Variants in PRKG1 observed in about 807,000 individuals in gnomAD.
The protein encoded by PRKG1 is cGMP-dependent protein kinase 1.
Under a neutral mutation model 88.1 loss-of-function variants are expected in PRKG1, and 35 were observed. That is an observed-to-expected ratio of 0.40 (90% confidence interval 0.30 to 0.53). PRKG1 has a LOEUF of 0.53. PRKG1 is among the 20% of genes least tolerant of loss of function. The pLI is 0.59. For synonymous variants in PRKG1, 303 were observed against 292.5 expected, an observed-to-expected ratio of 1.04 and a Z score of -0.37; for missense variants, 540 against 839.8, an observed-to-expected ratio of 0.64 and a Z score of 4.41.
chr10:51,955,808 G>A (rs1416470189), intron 5 of PRKG1, among the ~76,000 whole-genome samples: 1 of 151,952 alleles, frequency 6.6e-6, no homozygotes, highest in African/African-American at 2.4e-5. Flanking sequence ...GTGGTTTTTT[G>A]TTTGTTTGTT....
rs1021070614 is a variant in PRKG1 at position 52,026,717 on chromosome 10, C to T, written c.763-27767C>T. On this transcript the variant is annotated intron_variant, in intron 5 of 17. Coordinates refer to ENST00000373980, the MANE Select transcript of PRKG1 (RefSeq NM_006258.4). ...TTCGGCCAGGCACGGTGGCTCACGC[C>T]TGTAATCCCAACACTTTGGGAGGCC... Among the ~76,000 whole-genome samples, 4 of 152,328 alleles carry T rather than the reference C, an allele frequency of 2.6e-5. No individual in the cohort carries two copies. In the South Asian group the frequency reaches 8.3e-4, roughly 32 times the overall value.
chr10:52,091,511 A>G (rs1353243914), intron 7 of PRKG1, among the ~76,000 whole-genome samples: 1 of 152,184 alleles, frequency 6.6e-6, no homozygotes, highest in Non-Finnish European at 1.5e-5. Flanking sequence ...CCACAATAAC[A>G]TCTTGTCTAA....
At chr10:52,266,915 A>G (rs938493416) in intron 10 of PRKG1, among the ~76,000 whole-genome samples, 51 of 152,072 alleles carry the variant, frequency 3.4e-4, no homozygotes, top group African/African-American at 1.2e-3. Context: ...AGGAACATGC[A>G]TAACTATCTA....
chr10:51,048,579 T>C (rs1843520004), intron 1 of PRKG1, among the ~76,000 whole-genome samples: 1 of 152,180 alleles, frequency 6.6e-6, no homozygotes, highest in Non-Finnish European at 1.5e-5. Context: ...TCCCAAATGG[T>C]ATTAAGCTTC....
At chr10:51,646,101 T>C (rs1339314275) in intron 3 of PRKG1, among the ~76,000 whole-genome samples, 2 of 152,166 alleles carry the variant, frequency 1.3e-5, no homozygotes, top group Non-Finnish European at 2.9e-5. Context: ...GAATAAATTC[T>C]ATTCAGCCAC....
chr10:51,821,131 T>C (rs994603029), intron 4 of PRKG1, among the ~76,000 whole-genome samples: 1 of 152,182 alleles, frequency 6.6e-6, no homozygotes, highest in Non-Finnish European at 1.5e-5. Flanking sequence ...TCTGGTTTCT[T>C]TTGCTAAACA....
intron 1 of PRKG1, among the ~76,000 whole-genome samples, chr10:51,048,934 A>C (rs1417470520): frequency 6.6e-6 from 1 of 152,034 alleles, no homozygotes; most frequent in Non-Finnish European, 1.5e-5. Flanking sequence ...TGGGTGTGGT[A>C]ACAGACAGTC....
intron 1 of PRKG1, among the ~76,000 whole-genome samples, chr10:51,090,362 C>G (rs1844370732): frequency 6.6e-6 from 1 of 152,150 alleles, no homozygotes; most frequent in African/African-American, 2.4e-5. Context: ...CCCAGCTTGG[C>G]TTTACTGAGT....
chr10:51,804,757 G>A, intron 4 of PRKG1, 67 bp downstream of exon 4: 3 of 1,138,408 alleles, frequency 2.6e-6, no homozygotes, highest in South Asian at 2.7e-5. Flanking sequence ...CTGAAATGCA[G>A]CACCCTGAAT....
chr10:52,059,592 T>C (rs1292432169), intron 6 of PRKG1, among the ~76,000 whole-genome samples: 2 of 151,878 alleles, frequency 1.3e-5, no homozygotes, highest in East Asian at 1.9e-4. Context: ...ATAAAATTAG[T>C]TTGATGCAGA....
At position 51,248,755 on chromosome 10, in the gene PRKG1, C is replaced by A. The variant is rs541409408; in HGVS notation, c.478+95425C>A. ...TTGTAAAATTTATTCTCTATTGCAACTACAGTATAACAAATTCTATGTCAT... is the reference window on the plus strand; with the variant it reads ...TTGTAAAATTTATTCTCTATTGCAAATACAGTATAACAAATTCTATGTCAT... On this transcript the variant is annotated intron_variant, in intron 2 of 17. Coordinates refer to ENST00000373980, the MANE Select transcript of PRKG1 (RefSeq NM_006258.4). Among the ~76,000 whole-genome samples the A allele has an allele frequency of 2.0e-5, 3 of 151,518 alleles. No individual in the cohort carries two copies. In the East Asian group the frequency reaches 5.8e-4, roughly 29 times the overall value.
intron 2 of PRKG1, among the ~76,000 whole-genome samples, chr10:51,382,635 C>T (rs77905738): frequency 0.032 from 4,838 of 152,216 alleles, 104 homozygotes; most frequent in Admixed American, 0.065. Context: ...AGTTAAGATG[C>T]TTTAGGTAGA....
intron 5 of PRKG1, among the ~76,000 whole-genome samples, chr10:51,930,826 G>A (rs776010567): frequency 2.2e-4 from 33 of 152,224 alleles, no homozygotes; most frequent in Non-Finnish European, 4.1e-4. Flanking sequence ...AAAGGCAAAC[G>A]TAGTAGTTTT....
intron 2 of PRKG1, among the ~76,000 whole-genome samples, chr10:51,396,547 C>T (rs115263004): frequency 2.8e-3 from 420 of 152,276 alleles, no homozygotes; most frequent in African/African-American, 9.6e-3. Flanking sequence ...AGAAGAAACT[C>T]GTTAGATCTT....
intron 3 of PRKG1, among the ~76,000 whole-genome samples, chr10:51,531,467 C>T (rs1462171834): frequency 6.6e-6 from 1 of 151,852 alleles, no homozygotes; most frequent in Non-Finnish European, 1.5e-5. Context: ...ATAAGAATAC[C>T]TGGAATAAAA....
intron 3 of PRKG1, among the ~76,000 whole-genome samples, chr10:51,684,406 C>T (rs1169806920): frequency 1.3e-5 from 2 of 152,054 alleles, no homozygotes; most frequent in East Asian, 3.9e-4. Context: ...GTGGTGGTGG[C>T]TGCACAACTC....
At chr10:52,101,642 A>G (rs753807951) in intron 7 of PRKG1, among the ~76,000 whole-genome samples, 1 of 152,184 alleles carries the variant, frequency 6.6e-6, no homozygotes, top group Non-Finnish European at 1.5e-5. Flanking sequence ...TAGTCTTCAG[A>G]CCAACCCTAT....
intron 9 of PRKG1, among the ~76,000 whole-genome samples, chr10:52,196,441 A>G (rs1382889462): frequency 6.6e-6 from 1 of 152,238 alleles, no homozygotes; most frequent in African/African-American, 2.4e-5. Flanking sequence ...TTGCAAACAC[A>G]TGAGAGGAAA....
At chr10:51,016,977 A>G (rs1379832705) in intron 1 of PRKG1, among the ~76,000 whole-genome samples, 1 of 151,348 alleles carries the variant, frequency 6.6e-6, no homozygotes, top group African/African-American at 2.4e-5. Flanking sequence ...TATTATCCCC[A>G]TTTTTAAGAC....
Sources: allele counts gnomAD v4.1 joint callset (sites outside exome capture counted in the v4.1 genomes callset), GRCh38; gene constraint gnomAD v4.1.1; transcripts MANE v1.5; gene names NCBI Gene and HGNC (gene_info 2026-07-23, HGNC 2026-07-21).